Variants in PDGFD observed in about 807,000 individuals in gnomAD.
PDGFD encodes the protein platelet derived growth factor D.
A neutral mutation model predicts 44.7 loss-of-function variants in PDGFD; 30 were observed. The ratio of observed to expected loss-of-function variants is 0.67; its 90% confidence interval spans 0.50 to 0.91. The LOEUF is 0.91. Among genes scored for constraint, PDGFD ranks in the 40% least tolerant of loss-of-function variants. The pLI is 0.00. For missense variants in PDGFD, 445 were observed against 457.8 expected (o/e 0.97, Z 0.25); for synonymous variants, 173 against 168.4 (o/e 1.03, Z -0.21).
intron 3 of PDGFD, among the ~76,000 whole-genome samples, chr11:103,978,776 G>A (rs1423027775): frequency 6.6e-6 from 1 of 152,064 alleles, no homozygotes; most frequent in Non-Finnish European, 1.5e-5. Flanking sequence ...TGTACTAAGT[G>A]ACGTCATTGT....
At chr11:104,021,646 A>T (rs1448648003) in intron 1 of PDGFD, among the ~76,000 whole-genome samples, 3 of 152,184 alleles carry the variant, frequency 2.0e-5, no homozygotes, top group African/African-American at 7.2e-5. Flanking sequence ...TGACTCTGGG[A>T]GCCAGCACCA....
Position 103,909,793 on chromosome 11 carries a change from G to C in PDGFD, c.1014C>G (p.Ile338Met), listed in dbSNP as rs1434042303. Residue 338 changes from isoleucine (I) to methionine (M), a missense_variant, in exon 7 of 7, where the codon ATC (isoleucine) becomes ATG (methionine). Transcript: ENST00000393158. ...HEVLQFEPGH[I>M]KRRGRAKTMA... ...TGGTCTTAGCTCTACCCCTCCTCTT[G>C]ATGTGGCCAGGCTCAAACTGTAATA... 2 of 1,613,994 alleles carry C rather than the reference G, an allele frequency of 1.2e-6. No homozygotes were observed. Among genetic ancestry groups the C allele is most frequent in the African/African-American group, 2.7e-5 (2 of 74,916 alleles).
At chr11:103,980,721 G>A (rs1438823129) in intron 3 of PDGFD, among the ~76,000 whole-genome samples, 7 of 152,178 alleles carry the variant, frequency 4.6e-5, no homozygotes, top group African/African-American at 1.4e-4. Flanking sequence ...GTATGTAGAG[G>A]TAGGGCCTTA....
At chr11:103,954,098 G>A (rs908344918) in intron 3 of PDGFD, among the ~76,000 whole-genome samples, 3 of 152,174 alleles carry the variant, frequency 2.0e-5, no homozygotes, top group African/African-American at 7.2e-5. Context: ...TGCTATTAAA[G>A]AATAAGATAT....
In PDGFD at chr11:103,909,368, C is replaced by A; in HGVS notation, c.*326G>T. The A allele has an allele frequency of 5.8e-6, 1 of 173,054 alleles. No homozygotes were observed. Among genetic ancestry groups the A allele is most frequent in the Non-Finnish European group, 1.2e-5 (1 of 81,798 alleles). 10.7% of individuals were successfully genotyped at this position (173,054 alleles called of 1,614,324 possible). A position where few individuals can be genotyped will look rare whatever the true frequency, so the allele number is the denominator to read the frequency against. ...AGAGTCTAACTCAAACATATGTAAG[C>A]TCTGGTGTACCTGGTTATATATACC... is the stretch of plus-strand genomic sequence containing the variant. On this transcript the variant is annotated 3_prime_UTR_variant, in exon 7 of 7. Transcript: ENST00000393158.
chr11:103,989,016 T>C (rs972055040), intron 3 of PDGFD, among the ~76,000 whole-genome samples: 8 of 152,050 alleles, frequency 5.3e-5, no homozygotes, highest in African/African-American at 1.9e-4. Context: ...GATACTATTA[T>C]TCATCTTATT....
chr11:104,137,550 G>A (rs140035644), intron 1 of PDGFD, among the ~76,000 whole-genome samples: 2 of 152,050 alleles, frequency 1.3e-5, no homozygotes, highest in Non-Finnish European at 2.9e-5. Context: ...AAAAAGTACT[G>A]AGTCTCTTTA....
At chr11:104,028,106 C>T (rs568321513) in intron 1 of PDGFD, among the ~76,000 whole-genome samples, 4 of 148,744 alleles carry the variant, frequency 2.7e-5, no homozygotes, top group South Asian at 4.2e-4. Flanking sequence ...AGGAGAATGG[C>T]GTGAACCTGG....
chr11:103,943,537 T>C lies in PDGFD; in HGVS notation c.687A>G (p.Pro229=). Residue 229 remains proline (P), a synonymous_variant, in exon 5 of 7, where the codon CCA becomes CCG. Coordinates refer to ENST00000393158, the MANE Select transcript of PDGFD (RefSeq NM_025208.5). ...TCTCAAGATCTTCTTGCCATGACTC[T>C]GGATTGAAGTACTTGAGCAGATCTT... The part of the protein sequence containing the change: ...TVEDLLKYFN[P]ESWQEDLENM... The C allele has an allele frequency of 6.2e-7, 1 of 1,613,450 alleles. No homozygotes were observed.
chr11:104,077,002 T>C (rs1170850870), intron 1 of PDGFD, among the ~76,000 whole-genome samples: 1 of 152,224 alleles, frequency 6.6e-6, no homozygotes, highest in African/African-American at 2.4e-5. Context: ...AATATATGTG[T>C]TAATTGACTG....
At position 104,044,083 on chromosome 11, in the gene PDGFD, T is replaced by C. The variant is rs116859841; in HGVS notation, c.125-43828A>G. On this transcript the variant is annotated intron_variant, in intron 1 of 6. Transcript: ENST00000393158. ...AACAATGAGTCGATTGGATGAAGCA[T>C]TTGTCACATACTTTAATTCCAGGGA... 3.0e-3 allele frequency among the ~76,000 whole-genome samples: 463 copies of C among 152,328 alleles called. 7 individuals carry two copies. In the East Asian group the frequency reaches 0.046, roughly 15 times the overall value.
intron 1 of PDGFD, among the ~76,000 whole-genome samples, chr11:104,142,793 C>T (rs1048612743): frequency 6.6e-6 from 1 of 152,194 alleles, no homozygotes; most frequent in Non-Finnish European, 1.5e-5. Flanking sequence ...CTGATATGGC[C>T]AAAGCCCTCT....
intron 6 of PDGFD, among the ~76,000 whole-genome samples, chr11:103,913,886 C>T (rs1858070681): frequency 6.6e-6 from 1 of 152,086 alleles, no homozygotes; most frequent in Non-Finnish European, 1.5e-5. Context: ...TGCAAATAAA[C>T]TAGAAAATCT....
intron 1 of PDGFD, among the ~76,000 whole-genome samples, chr11:104,014,466 A>G (rs1859831123): frequency 6.6e-6 from 1 of 152,242 alleles, no homozygotes; most frequent in Admixed American, 6.5e-5. Context: ...ACTGCACTCT[A>G]GCTTGAATGA....
chr11:104,075,660 A>G (rs1358966058), intron 1 of PDGFD, among the ~76,000 whole-genome samples: 3 of 151,954 alleles, frequency 2.0e-5, no homozygotes, highest in Admixed American at 1.3e-4. Context: ...CCGCCCAGCT[A>G]ATTTTTATAC....
intron 1 of PDGFD, among the ~76,000 whole-genome samples, chr11:104,024,268 T>G (rs1016446297): frequency 2.0e-5 from 3 of 151,926 alleles, no homozygotes; most frequent in African/African-American, 7.2e-5. Flanking sequence ...AATATGAAGG[T>G]ACCATGCAAA....
chr11:104,038,078 G>A, intron 1 of PDGFD: 1 of 1,458,160 alleles, frequency 6.9e-7, no homozygotes, highest in Non-Finnish European at 9.2e-7. Flanking sequence ...TAAGTTAAGA[G>A]CTTACTGGCA....
intron 1 of PDGFD, among the ~76,000 whole-genome samples, chr11:104,136,700 C>A (rs189855928): frequency 1.3e-5 from 2 of 152,172 alleles, no homozygotes; most frequent in Admixed American, 1.3e-4. Flanking sequence ...TACACCTTTC[C>A]AATAGTAAAT....
At chr11:103,941,823 C>T (rs541215074) in intron 5 of PDGFD, among the ~76,000 whole-genome samples, 1 of 152,162 alleles carries the variant, frequency 6.6e-6, no homozygotes, top group Non-Finnish European at 1.5e-5. Flanking sequence ...TTTTATTGCT[C>T]GTTTGTCCAA....
Sources: allele counts gnomAD v4.1 joint callset (sites outside exome capture counted in the v4.1 genomes callset), GRCh38; gene constraint gnomAD v4.1.1; transcripts MANE v1.5; gene names NCBI Gene and HGNC (gene_info 2026-07-23, HGNC 2026-07-21).